CHD3: variants seen among roughly 807,000 people sequenced by gnomAD.
The protein encoded by CHD3 is ATP-dependent chromatin remodeler CHD3.
CHD3 carries 52 observed loss-of-function variants against 248.9 expected under a neutral mutation model. The ratio of observed to expected loss-of-function variants is 0.21; its 90% CI spans 0.17 to 0.26. The LOEUF (loss-of-function observed/expected upper bound fraction) is 0.26. Ranked by LOEUF, CHD3 falls within the 10% of genes least tolerant of loss-of-function variation. The pLI is 1.00. For synonymous variants in CHD3, 985 were observed against 985.2 expected (o/e 1.00, Z 0.00); for missense variants, 1,482 against 2,605.8 (o/e 0.57, Z 9.39).
In CHD3 at chr17:7,907,627, G is replaced by C. The variant is rs368192625; in HGVS notation, c.4951G>C (p.Gly1651Arg). The change falls in exon 33 of 40, where the codon GGG becomes CGG. Residue 1651 changes from glycine (G) to arginine (R), a missense_variant. Physicochemically the swap from Gly to Arg is moderately radical, Grantham distance 125. Coordinates refer to ENST00000330494, the MANE Select transcript of CHD3 (RefSeq NM_001005273.3). This position sits in a 1 kb window ranked among gnomAD's most constrained non-coding sequence, Gnocchi z 4.3. ...SATESTPGER[G>R]EEKPLDGQEH... ...CACAGAGTCGACGCCAGGAGAAAGG[G>C]GGGAGGAGAAGCCGTTGGATGGACA... 187 of 1,524,332 alleles carry C rather than the reference G, an allele frequency of 1.2e-4. 1 individual carries two copies. Among genetic ancestry groups the C allele is most frequent in the Non-Finnish European group, 7.6e-5 (87 of 1,140,614 alleles). 94.4% of individuals were successfully genotyped at this position (1,524,332 alleles called of 1,614,324 possible). A position where few individuals can be genotyped will look rare whatever the true frequency, so the allele number is the denominator to read the frequency against.
intron 20 of CHD3, 48 bp downstream of exon 20, chr17:7,901,423 C>T (rs762514958): frequency 1.8e-5 from 27 of 1,492,952 alleles, no homozygotes; most frequent in Non-Finnish European, 2.4e-5. Context: ...TCTTCCCTCT[C>T]CTCATCCTCC....
At chr17:7,898,332 G>C in intron 12 of CHD3, among the ~76,000 whole-genome samples, 164 bp from the exon 13 acceptor site, 1 of 152,130 alleles carries the variant, frequency 6.6e-6, no homozygotes, top group East Asian at 1.9e-4. Context: ...GGGAGGGCTG[G>C]CTCTTGAGGT....
Position 7,899,692 on chromosome 17 carries a change from G to A in CHD3, c.2544+149G>A. 1 of 1,012,736 alleles carries A rather than the reference G, an allele frequency of 9.9e-7. No individual in the cohort carries two copies. The allele number at this position is 1,012,736 out of a possible 1,614,324, so 62.7% of individuals were successfully genotyped here. A position where few individuals can be genotyped will look rare whatever the true frequency, so the allele number is the denominator to read the frequency against. On this transcript the variant is annotated intron_variant, in intron 15 of 39. Transcript: ENST00000330494. This position sits in a 1 kb window ranked among gnomAD's most constrained non-coding sequence, Gnocchi z 6.8. Reference sequence around the variant, plus strand: ...CTCTGCACTACCATCCTAGAGATATGGCAGGTACTCCCAGGGGCATACATG... The same window carrying A: ...CTCTGCACTACCATCCTAGAGATATAGCAGGTACTCCCAGGGGCATACATG...
In CHD3 at chr17:7,910,203, GTC is replaced by G. The variant is rs532929504; in HGVS notation, c.5591-219_5591-218del. The G allele has an allele frequency of 3.4e-6, 2 of 592,820 alleles. No individual in the cohort carries two copies. Among genetic ancestry groups the G allele is most frequent in the Non-Finnish European group, 3.0e-6 (1 of 335,168 alleles). 36.7% of individuals were successfully genotyped at this position (592,820 alleles called of 1,614,324 possible). A position where few individuals can be genotyped will look rare whatever the true frequency, so the allele number is the denominator to read the frequency against. ...TCCATCTGTCTTCTGTGGTAATCTG[GTC>G]TCTCTGTCTCTTTTCCTGACACTTT... On this transcript the variant is annotated intron_variant, in intron 37 of 39. Transcript: ENST00000330494. This position sits in a 1 kb window ranked among gnomAD's most constrained non-coding sequence, Gnocchi z 4.7.
chr17:7,885,027 C>T (rs1967539999), upstream of CHD3: 2 of 1,046,728 alleles, frequency 1.9e-6, no homozygotes, highest in East Asian at 5.4e-5. Flanking sequence ...CACCTCTTCC[C>T]GCCGCCGCCG....
In CHD3 at chr17:7,904,293, G is replaced by A. The variant is rs77526752; in HGVS notation, c.3895-149G>A. 2.1e-5 allele frequency: 15 copies of A among 702,480 alleles called. No individual in the cohort carries two copies. Among genetic ancestry groups the A allele is most frequent in the South Asian group, 7.4e-5 (4 of 53,704 alleles). The allele number at this position is 702,480 out of a possible 1,614,324, so 43.5% of individuals were successfully genotyped here. ...AGGTAAGAGATGGCATGGAACATGC[G>A]CAATGTCCAGAAAATGTATGCAGAG... On this transcript the variant is annotated intron_variant, in intron 24 of 39. Coordinates refer to ENST00000330494, the MANE Select transcript of CHD3 (RefSeq NM_001005273.3). This position sits in a 1 kb window ranked among gnomAD's most constrained non-coding sequence, Gnocchi z 4.4.
At position 7,908,041 on chromosome 17, in the gene CHD3, T is replaced by TTCTGCTCCTCAAGGGGA; in HGVS notation, c.5152+30_5152+46dup. On this transcript the variant is annotated intron_variant, in intron 34 of 39. Coordinates refer to ENST00000330494, the MANE Select transcript of CHD3 (RefSeq NM_001005273.3). The surrounding 1 kb of genome is among the most constrained non-coding windows in gnomAD (Gnocchi z 5.8). Reference sequence around the variant, plus strand: ...ACAGGTTGGGGAGACTCTCGCTGCTTTCTGCTCCTCAAGGGGATCTGCTCA... The same window carrying TTCTGCTCCTCAAGGGGA: ...ACAGGTTGGGGAGACTCTCGCTGCTTTCTGCTCCTCAAGGGGATCTGCTCCTCAAGGGGATCTGCTCA... The TTCTGCTCCTCAAGGGGA allele has an allele frequency of 6.3e-7, 1 of 1,581,726 alleles. No individual in the cohort carries two copies. The highest frequency in any genetic ancestry group is 1.1e-5 in the South Asian group (1 of 88,226).
In CHD3 at chr17:7,904,261, A is replaced by G. The variant is rs1970650044; in HGVS notation, c.3895-181A>G. 2 of 635,464 alleles carry G rather than the reference A, an allele frequency of 3.1e-6. No homozygotes were observed. The highest frequency in any genetic ancestry group is 5.5e-6 in the Non-Finnish European group (2 of 362,820). 39.4% of individuals were successfully genotyped at this position (635,464 alleles called of 1,614,324 possible). A position where few individuals can be genotyped will look rare whatever the true frequency, so the allele number is the denominator to read the frequency against. ...GAGATTTAGAAAACATGAGGAGAGC[A>G]CATTGCAGGTAAGAGATGGCATGGA... On this transcript the variant is annotated intron_variant, in intron 24 of 39. Coordinates refer to ENST00000330494, the MANE Select transcript of CHD3 (RefSeq NM_001005273.3). This position sits in a 1 kb window ranked among gnomAD's most constrained non-coding sequence, Gnocchi z 4.4.
At chr17:7,887,657 T>C (rs1240456315), upstream of CHD3, among the ~76,000 whole-genome samples, 1 of 150,778 alleles carries the variant, frequency 6.6e-6, no homozygotes, top group Non-Finnish European at 1.5e-5. Flanking sequence ...ATGGTGAGAT[T>C]AGAAGAAGAG....
At chr17:7,886,674 A>G (rs1968002524), upstream of CHD3, among the ~76,000 whole-genome samples, 1 of 152,006 alleles carries the variant, frequency 6.6e-6, no homozygotes, top group African/African-American at 2.4e-5. The surrounding 1 kb of genome is among the most constrained non-coding windows in gnomAD (Gnocchi z 4.2). Flanking sequence ...TGGCAGGAGG[A>G]GGAGGAATGA....
chr17:7,897,333 G>T lies in CHD3; in HGVS notation c.1919+39G>T. The T allele has an allele frequency of 6.5e-7, 1 of 1,531,174 alleles. No individual in the cohort carries two copies. The highest frequency in any genetic ancestry group is 9.0e-7 in the Non-Finnish European group (1 of 1,109,912). The allele number at this position is 1,531,174 out of a possible 1,614,324, so 94.8% of individuals were successfully genotyped here. A position where few individuals can be genotyped will look rare whatever the true frequency, so the allele number is the denominator to read the frequency against. Reference sequence around the variant, plus strand: ...CCCTGGGAAGTCAGACCTGGTATATGACATTATTCTTACCATGGTGATGGC... The same window carrying T: ...CCCTGGGAAGTCAGACCTGGTATATTACATTATTCTTACCATGGTGATGGC... On this transcript the variant is annotated intron_variant, in intron 11 of 39. Transcript: ENST00000330494. This position sits in a 1 kb window ranked among gnomAD's most constrained non-coding sequence, Gnocchi z 4.8.
Position 7,907,588 on chromosome 17 carries a change from C to G in CHD3, c.4925-13C>G. 2 of 1,510,750 alleles carry G rather than the reference C, an allele frequency of 1.3e-6. No individual in the cohort carries two copies. The highest frequency in any genetic ancestry group is 2.7e-5 in the South Asian group (2 of 74,636). 93.6% of individuals were successfully genotyped at this position (1,510,750 alleles called of 1,614,324 possible). On this transcript the variant is annotated splice_polypyrimidine_tract_variant and intron_variant, in intron 32 of 39. Transcript: ENST00000330494. This position sits in a 1 kb window ranked among gnomAD's most constrained non-coding sequence, Gnocchi z 4.3. The stretch of plus-strand genomic sequence containing the variant: ...TAACATCCTCCCTTCCTATCCCCTA[C>G]CCCCTCCCACAGCCACAGAGTCGAC...
At chr17:7,902,890 A>G in intron 21 of CHD3, 47 bp from the exon 22 acceptor site, 4 of 1,605,460 alleles carry the variant, frequency 2.5e-6, no homozygotes, top group African/African-American at 2.7e-5. Context: ...GCAGGTGGAC[A>G]GAACTACCGG....
At position 7,891,588 on chromosome 17, in the gene CHD3, C is replaced by T. The variant is rs959395465; in HGVS notation, c.509+524C>T. On this transcript the variant is annotated intron_variant, in intron 4 of 39. Transcript: ENST00000330494. ...GAAAATAGCAGAGATGGGCCAGGTG[C>T]AGTGGCTCATGCCTGTAATCCAAGC... is the stretch of plus-strand genomic sequence containing the variant. Among the ~76,000 whole-genome samples the T allele has an allele frequency of 2.6e-5, 4 of 152,150 alleles. No individual in the cohort carries two copies. The East Asian group carries it at 7.7e-4, about 29-fold the overall frequency.
chr17:7,884,865 A>G, upstream of CHD3: 2 of 1,228,148 alleles, frequency 1.6e-6, no homozygotes, highest in South Asian at 1.5e-5. Flanking sequence ...GTGTCGGAGG[A>G]GGAAGAAGAG....
At position 7,899,570 on chromosome 17, in the gene CHD3, G is replaced by A. The variant is rs370538446; in HGVS notation, c.2544+27G>A. 1.4e-5 allele frequency: 23 copies of A among 1,599,124 alleles called. No homozygotes were observed. In the African/African-American group the frequency reaches 2.8e-4, roughly 20 times the overall value. ...TAAGACCCTCTACCTCATATCCTCT[G>A]AGACCCTCAAAGCTGTCACTTCTTT... On this transcript the variant is annotated intron_variant, in intron 15 of 39. Coordinates refer to ENST00000330494, the MANE Select transcript of CHD3 (RefSeq NM_001005273.3). This position sits in a 1 kb window ranked among gnomAD's most constrained non-coding sequence, Gnocchi z 6.8.
At chr17:7,896,153 G>A (rs902116482) in intron 10 of CHD3, among the ~76,000 whole-genome samples, 8 of 150,094 alleles carry the variant, frequency 5.3e-5, no homozygotes, top group South Asian at 2.1e-4. Context: ...GCGTGAACCC[G>A]GGAGGCGGAG....
chr17:7,890,318 A>G, intron 2 of CHD3: 1 of 344,594 alleles, frequency 2.9e-6, no homozygotes, highest in East Asian at 5.2e-5. Flanking sequence ...AATCCCAGCT[A>G]CACAGGAGGC....
Position 7,904,649 on chromosome 17 carries a change from AG to A in CHD3, c.4072+36del. On this transcript the variant is annotated intron_variant, in intron 25 of 39. Transcript: ENST00000330494. The surrounding 1 kb of genome is among the most constrained non-coding windows in gnomAD (Gnocchi z 4.4). ...GGACTGCCCCAGATGCAGGCAGTAA[AG>A]GGGGGAAGTGATGATGAGTAGGGAC... 6.3e-7 allele frequency: 1 copy of A among 1,596,224 alleles called. No individual in the cohort carries two copies. Among genetic ancestry groups the A allele is most frequent in the Admixed American group, 1.7e-5 (1 of 59,306 alleles).
Sources: gnomAD v4.1 joint callset for allele counts (sites outside exome capture counted in the v4.1 genomes callset) on GRCh38, gnomAD v4.1.1 for gene constraint, Gnocchi (gnomAD v3.1) non-coding constraint, MANE v1.5 for transcripts, NCBI Gene and HGNC (gene_info 2026-07-23, HGNC 2026-07-21) for gene names.